PARD3: variants seen among roughly 807,000 people sequenced by gnomAD.
PARD3 encodes the protein partitioning defective 3 homolog.
A neutral mutation model predicts 155.4 loss-of-function variants in PARD3; 75 were observed. That is an observed-to-expected ratio of 0.48 (90% CI 0.40 to 0.58). The LOEUF (loss-of-function observed/expected upper bound fraction) is 0.58, where lower values mean the gene tolerates loss of function less well. PARD3 is among the 20% of genes least tolerant of loss of function. The pLI is 0.00. For synonymous variants in PARD3, 576 were observed against 610.5 expected, an observed-to-expected ratio of 0.94 and a Z score of 0.83; for missense variants, 1,642 against 1,721.7, an observed-to-expected ratio of 0.95 and a Z score of 0.82.
intron 22 of PARD3, among the ~76,000 whole-genome samples, chr10:34,256,011 C>A (rs904833039): frequency 6.6e-6 from 1 of 152,082 alleles, no homozygotes; most frequent in Non-Finnish European, 1.5e-5. Flanking sequence ...GTAAGCAAAT[C>A]TGATTTCAAA....
intron 2 of PARD3, among the ~76,000 whole-genome samples, chr10:34,668,513 G>A (rs1368188245): frequency 6.6e-6 from 1 of 152,120 alleles, no homozygotes; most frequent in African/African-American, 2.4e-5. Context: ...GCAGAGAGAG[G>A]AAGATGAAAA....
intron 23 of PARD3, among the ~76,000 whole-genome samples, chr10:34,129,137 C>T (rs1269033399): frequency 2.6e-5 from 4 of 152,060 alleles, no homozygotes; most frequent in Non-Finnish European, 5.9e-5. Context: ...TAGTAACTGA[C>T]ATCCAATCAT....
chr10:34,258,254 G>A (rs913007426), intron 22 of PARD3, among the ~76,000 whole-genome samples: 17 of 152,144 alleles, frequency 1.1e-4, no homozygotes, highest in Non-Finnish European at 1.5e-4. Context: ...GGTGAAATAC[G>A]GACTTGTGGA....
chr10:34,579,554 C>CTCTGTGTGTGTGTGTGTGTGTG (rs1554775574), intron 2 of PARD3, among the ~76,000 whole-genome samples: 4 of 122,574 alleles, frequency 3.3e-5, no homozygotes, highest in African/African-American at 1.1e-4. Context: ...ACCATTTTCT[C>CTCTGTGTGTGTGTGTGTGTGTG]TGTGTGTGTG....
chr10:34,145,205 A>G (rs1564429604), intron 22 of PARD3, among the ~76,000 whole-genome samples: 4 of 61,278 alleles, frequency 6.5e-5, no homozygotes, highest in African/African-American at 3.7e-4. Flanking sequence ...ATATATATAT[A>G]TATATATATA....
At chr10:34,430,894 A>G (rs987581993) in intron 5 of PARD3, among the ~76,000 whole-genome samples, 9 of 152,252 alleles carry the variant, frequency 5.9e-5, no homozygotes, top group Non-Finnish European at 1.2e-4. Flanking sequence ...GGTGTGACAC[A>G]GAGGGAGCAC....
chr10:34,603,851 A>T, intron 2 of PARD3, among the ~76,000 whole-genome samples: 1 of 152,188 alleles, frequency 6.6e-6, no homozygotes. Context: ...CCTGAGCTCA[A>T]TGACAGACAG....
chr10:34,301,639 C>A (rs1220276910), intron 20 of PARD3, among the ~76,000 whole-genome samples: 1 of 152,134 alleles, frequency 6.6e-6, no homozygotes, highest in Non-Finnish European at 1.5e-5. Flanking sequence ...GCCAGCCCTT[C>A]CCCCTCTTCC....
intron 21 of PARD3, among the ~76,000 whole-genome samples, chr10:34,272,237 T>C (rs1955649184): frequency 6.6e-6 from 1 of 152,196 alleles, no homozygotes; most frequent in South Asian, 2.1e-4. Context: ...CTTTAGGAAC[T>C]AGTGCGTGGA....
chr10:34,579,929 T>G (rs2087284917), intron 2 of PARD3, among the ~76,000 whole-genome samples: 1 of 151,498 alleles, frequency 6.6e-6, no homozygotes, highest in African/African-American at 2.4e-5. Context: ...AAATAGTTTT[T>G]GAGATGGAGT....
intron 22 of PARD3, among the ~76,000 whole-genome samples, chr10:34,246,860 A>T (rs1588922131): frequency 6.6e-6 from 1 of 152,164 alleles, no homozygotes. Context: ...AAAGCGATTA[A>T]AAGGTAATTT....
At chr10:34,211,450 G>A (rs1034601969) in intron 22 of PARD3, among the ~76,000 whole-genome samples, 29 of 151,892 alleles carry the variant, frequency 1.9e-4, no homozygotes, top group South Asian at 6.2e-4. Flanking sequence ...AAGAAAAAGG[G>A]AAAGCAGAAA....
intron 2 of PARD3, among the ~76,000 whole-genome samples, chr10:34,638,791 T>C (rs1485536607): frequency 6.6e-6 from 1 of 152,248 alleles, no homozygotes; most frequent in African/African-American, 2.4e-5. Flanking sequence ...AAAAATCTTA[T>C]GCTTTCAGCA....
At chr10:34,403,122 G>A (rs1564673892) in intron 5 of PARD3, among the ~76,000 whole-genome samples, 1 of 152,086 alleles carries the variant, frequency 6.6e-6, no homozygotes, top group Admixed American at 6.6e-5. Context: ...TCATGCCTAG[G>A]AATCTCTGTG....
chr10:34,233,524 CA>C (rs1299608246), intron 22 of PARD3, among the ~76,000 whole-genome samples: 6 of 152,208 alleles, frequency 3.9e-5, no homozygotes, highest in African/African-American at 1.4e-4. Flanking sequence ...ACCATATTCA[CA>C]TATCTAACCA....
At chr10:34,589,028 G>A (rs763897533) in intron 2 of PARD3, among the ~76,000 whole-genome samples, 6 of 152,100 alleles carry the variant, frequency 3.9e-5, no homozygotes, top group Non-Finnish European at 8.8e-5. Flanking sequence ...GTCCAGCCTG[G>A]ACAGCATAGT....
At chr10:34,372,400 G>T in intron 12 of PARD3, 98 bp downstream of exon 12, 1 of 942,932 alleles carries the variant, frequency 1.1e-6, no homozygotes, top group South Asian at 1.3e-5. Flanking sequence ...TACGAGCCAG[G>T]AAAAGGCAGG....
intron 1 of PARD3, among the ~76,000 whole-genome samples, chr10:34,721,252 G>A (rs1777127606): frequency 6.6e-6 from 1 of 152,206 alleles, no homozygotes; most frequent in Non-Finnish European, 1.5e-5. Context: ...CAGAACTGAA[G>A]AGACTGCATT....
intron 13 of PARD3, among the ~76,000 whole-genome samples, chr10:34,359,671 A>T (rs1839248309): frequency 6.6e-6 from 1 of 152,224 alleles, no homozygotes; most frequent in South Asian, 2.1e-4. Context: ...GCTATTAGAC[A>T]GTTGCAGAGA....
Sources: gnomAD v4.1 joint callset for allele counts (sites outside exome capture counted in the v4.1 genomes callset) on GRCh38, gnomAD v4.1.1 for gene constraint, MANE v1.5 for transcripts, NCBI Gene and HGNC (gene_info 2026-07-23, HGNC 2026-07-21) for gene names.